The following CASP8 variants were observed in gnomAD, a reference collection of about 807,000 sequenced individuals.
CASP8 encodes the protein caspase 8.
In CASP8, 24 loss-of-function variants were observed where a neutral mutation model predicts 46.3. That is an observed-to-expected ratio of 0.52 (90% CI 0.38 to 0.73). The LOEUF (loss-of-function observed/expected upper bound fraction) is 0.73. Ranked by LOEUF, CASP8 falls within the 30% of genes least tolerant of loss-of-function variation. The pLI, the probability that CASP8 is intolerant of heterozygous loss-of-function variation, is 0.00. For synonymous variants in CASP8, 188 were observed against 200.4 expected, an observed-to-expected ratio of 0.94 and a Z score of 0.52; for missense variants, 460 against 559.0, an observed-to-expected ratio of 0.82 and a Z score of 1.79.
At chr2:201,238,835 C>T (rs556450593) in intron 2 of CASP8, among the ~76,000 whole-genome samples, 7 of 152,130 alleles carry the variant, frequency 4.6e-5, no homozygotes, top group African/African-American at 1.4e-4. Context: ...GGCAGGGTCA[C>T]AGGACAATAG....
rs374820606 is a variant in CASP8 at position 201,272,565 on chromosome 2, TA to T, written c.412-62del. 0.017 allele frequency: 20,357 copies of T among 1,163,452 alleles called. 10 individuals are homozygous for T. Among genetic ancestry groups the T allele is most frequent in the South Asian group, 0.024 (1,471 of 62,504 alleles). The allele number at this position is 1,163,452 out of a possible 1,614,324, so 72.1% of individuals were successfully genotyped here. On this transcript the variant is annotated intron_variant, in intron 3 of 8. Coordinates refer to ENST00000673742, the MANE Select transcript of CASP8 (RefSeq NM_001372051.1). This position sits in a 1 kb window ranked among gnomAD's most constrained non-coding sequence, Gnocchi z 4.4. ...GTCCTTGGTTGGAGAAATTGGAAATTAAAAAAAAAAATCTAATCTAAAAACC... is the reference window on the plus strand; with the variant it reads ...GTCCTTGGTTGGAGAAATTGGAAATTAAAAAAAAAATCTAATCTAAAAACC...
At chr2:201,248,507 G>C (rs1946634807) in intron 2 of CASP8, among the ~76,000 whole-genome samples, 1 of 152,206 alleles carries the variant, frequency 6.6e-6, no homozygotes, top group African/African-American at 2.4e-5. Context: ...TTTTCCTTCA[G>C]AAATTTGTTG....
intron 7 of CASP8, among the ~76,000 whole-genome samples, chr2:201,283,854 C>G (rs1215885157): frequency 6.5e-5 from 3 of 46,124 alleles, no homozygotes; most frequent in Admixed American, 2.8e-4. Flanking sequence ...GGGTGGCTGC[C>G]GGGCGGAGAC....
intron 7 of CASP8, among the ~76,000 whole-genome samples, chr2:201,281,084 T>C (rs958240979): frequency 6.6e-6 from 1 of 152,038 alleles, no homozygotes; most frequent in East Asian, 1.9e-4. Context: ...GAGGCCAAGG[T>C]GGGTGGGTCA....
intron 7 of CASP8, among the ~76,000 whole-genome samples, chr2:201,282,769 G>A (rs1576374171): frequency 1.2e-5 from 1 of 85,814 alleles, no homozygotes; most frequent in East Asian, 3.7e-4. Context: ...GGGGCGGCCC[G>A]GCAGAGGCGC....
At position 201,272,616 on chromosome 2, in the gene CASP8, A is replaced by C. The variant is rs2125253383; in HGVS notation, c.412-22A>C. On this transcript the variant is annotated intron_variant, in intron 3 of 8. Coordinates refer to ENST00000673742, the MANE Select transcript of CASP8 (RefSeq NM_001372051.1). The surrounding 1 kb of genome is among the most constrained non-coding windows in gnomAD (Gnocchi z 4.4). ...CAGTAGGGCTCAATCCAGATTCCCA[A>C]CTTTATTTCTCCTCCTCTTAGAACC... 3 of 1,613,918 alleles carry C rather than the reference A, an allele frequency of 1.9e-6. No individual in the cohort carries two copies. Among genetic ancestry groups the C allele is most frequent in the Non-Finnish European group, 2.5e-6 (3 of 1,179,880 alleles).
At chr2:201,242,001 A>G (rs1313790316) in intron 2 of CASP8, 4 of 152,196 alleles carry the variant, frequency 2.6e-5, no homozygotes, top group Admixed American at 2.6e-4. Context: ...AAAATTCAAT[A>G]CCCTTTCGTG....
chr2:201,281,843 TG>T (rs1949040486), intron 7 of CASP8: 1 of 1,464,428 alleles, frequency 6.8e-7, no homozygotes, highest in South Asian at 1.2e-5. Flanking sequence ...GGTTTGAGAA[TG>T]TTTTTAGCTG....
At chr2:201,256,817 A>G (rs1018956957), upstream of CASP8, among the ~76,000 whole-genome samples, 9 of 152,226 alleles carry the variant, frequency 5.9e-5, no homozygotes, top group Admixed American at 5.2e-4. Flanking sequence ...TATAAAATGT[A>G]CAAGATGTGA....
intron 2 of CASP8, among the ~76,000 whole-genome samples, chr2:201,250,532 C>T (rs1210293871): frequency 1.3e-5 from 2 of 152,106 alleles, no homozygotes; most frequent in South Asian, 2.1e-4. Flanking sequence ...AGCAAGAGAG[C>T]GGGGAGGTGC....
intron 7 of CASP8, chr2:201,277,215 A>C: frequency 3.0e-6 from 1 of 331,786 alleles, no homozygotes; most frequent in South Asian, 3.7e-5. Flanking sequence ...ACTAAAAGAC[A>C]TAATGAAAAG....
rs1948332880 is a variant in CASP8, at chr2:201,272,498, G to A, written c.412-140G>A. ...TTCCCTAGTAGCCTGCTGGCTGTGA[G>A]AGACCAGCAGAAACTGTCAGAAACT... On this transcript the variant is annotated intron_variant, in intron 3 of 8. Transcript: ENST00000673742. The surrounding 1 kb of genome is among the most constrained non-coding windows in gnomAD (Gnocchi z 4.4). The A allele has an allele frequency of 2.3e-6, 2 of 888,384 alleles. No individual in the cohort carries two copies. The highest frequency in any genetic ancestry group is 2.1e-5 in the Admixed American group (1 of 46,956). The allele number at this position is 888,384 out of a possible 1,614,324, so 55.0% of individuals were successfully genotyped here.
intron 6 of CASP8, among the ~76,000 whole-genome samples, chr2:201,276,244 C>T (rs1407892396): frequency 6.6e-6 from 1 of 152,186 alleles, no homozygotes; most frequent in East Asian, 1.9e-4. Flanking sequence ...TAGCCAGGAC[C>T]TCCCTGACCA....
intron 2 of CASP8, among the ~76,000 whole-genome samples, chr2:201,247,410 T>C (rs76313353): frequency 0.037 from 5,620 of 151,804 alleles, 154 homozygotes; most frequent in Admixed American, 0.07. Flanking sequence ...TCCTTCTGTC[T>C]GTGACCTTGA....
Position 201,271,667 on chromosome 2 carries a change from G to A in CASP8, c.411+46G>A, listed in dbSNP as rs754703902. On this transcript the variant is annotated intron_variant, in intron 3 of 8. Transcript: ENST00000673742. ...GAGATTTAGTCCTGAGACTTGGTTA[G>A]CCAGGGGGCATTTCTGAGACCAAAG... 6 of 1,188,728 alleles carry A rather than the reference G, an allele frequency of 5.0e-6. No individual in the cohort carries two copies. The Admixed American group carries it at 1.0e-4, about 20-fold the overall frequency. The allele number at this position is 1,188,728 out of a possible 1,614,324, so 73.6% of individuals were successfully genotyped here. A position where few individuals can be genotyped will look rare whatever the true frequency, so the allele number is the denominator to read the frequency against.
At chr2:201,258,657 G>C (rs1413186899), upstream of CASP8, among the ~76,000 whole-genome samples, 1 of 152,134 alleles carries the variant, frequency 6.6e-6, no homozygotes, top group East Asian at 1.9e-4. Flanking sequence ...GCAGATACAC[G>C]GTCTCCCTCC....
At chr2:201,235,270 AG>A (rs1234212875) in intron 2 of CASP8, among the ~76,000 whole-genome samples, 1 of 152,016 alleles carries the variant, frequency 6.6e-6, no homozygotes, top group Admixed American at 6.5e-5. Context: ...TTATACTTTC[AG>A]TGTTTCGGTG....
intron 6 of CASP8, among the ~76,000 whole-genome samples, chr2:201,276,318 C>A (rs1194688769): frequency 6.6e-6 from 1 of 152,188 alleles, no homozygotes; most frequent in African/African-American, 2.4e-5. Flanking sequence ...CCTTTAAAAT[C>A]CTGGGACCAC....
chr2:201,245,057 T>G (rs1321322174), intron 2 of CASP8, among the ~76,000 whole-genome samples: 1 of 152,176 alleles, frequency 6.6e-6, no homozygotes, highest in African/African-American at 2.4e-5. Flanking sequence ...TCATCCCTGC[T>G]GCTTGGAGGC....
Sources: gnomAD v4.1 joint callset for allele counts (sites outside exome capture counted in the v4.1 genomes callset) on GRCh38, gnomAD v4.1.1 for gene constraint, Gnocchi (gnomAD v3.1) non-coding constraint, MANE v1.5 for transcripts, NCBI Gene and HGNC (gene_info 2026-07-23, HGNC 2026-07-21) for gene names.